Variants in DAPK2 observed in about 807,000 individuals in gnomAD.
The protein encoded by DAPK2 is death associated protein kinase 2, also known as death-associated protein kinase 2.
A neutral mutation model predicts 44.1 loss-of-function variants in DAPK2; 35 were observed. The ratio of observed to expected loss-of-function variants is 0.79; its 90% CI spans 0.61 to 1.05. The LOEUF is 1.05. Among genes scored for constraint, DAPK2 ranks in the 50% least tolerant of loss-of-function variants. The pLI, the probability that DAPK2 is intolerant of heterozygous loss-of-function variation, is 0.00. For missense variants in DAPK2, 453 were observed against 483.2 expected, an observed-to-expected ratio of 0.94 and a Z score of 0.59; for synonymous variants, 174 against 182.6, an observed-to-expected ratio of 0.95 and a Z score of 0.38.
At chr15:63,931,690 C>A (rs948958443) in intron 4 of DAPK2, among the ~76,000 whole-genome samples, 1 of 152,084 alleles carries the variant, frequency 6.6e-6, no homozygotes, top group Admixed American at 6.6e-5. Flanking sequence ...ACGTTTGGAG[C>A]CATCCATGTA....
At chr15:64,011,093 A>G (rs1279269713) in intron 1 of DAPK2, among the ~76,000 whole-genome samples, 1 of 152,214 alleles carries the variant, frequency 6.6e-6, no homozygotes, top group Non-Finnish European at 1.5e-5. Context: ...AGGCAGGACA[A>G]TGGAACAGAT....
In DAPK2 at chr15:64,036,321, A is replaced by ATATG. The variant is rs1281796166; in HGVS notation, c.92+3848_92+3849insCATA. Among the ~76,000 whole-genome samples, 5 of 108,564 alleles carry ATATG rather than the reference A, an allele frequency of 4.6e-5. No homozygotes were observed. The South Asian group carries it at 1.3e-3, about 29-fold the overall frequency. The allele number at this position is 108,564 out of a possible 152,430, so 71.2% of individuals were successfully genotyped here. ...TGTGTGTGTGTGTGTATATATATGT[A>ATATG]TATATATATATATATACATATATAT... On this transcript the variant is annotated intron_variant, in intron 1 of 10. Coordinates refer to ENST00000261891, the Ensembl canonical transcript of DAPK2.
At chr15:63,924,781 C>A (rs369002444) in intron 8 of DAPK2, 35 bp downstream of exon 9, 7 of 1,613,342 alleles carry the variant, frequency 4.3e-6, no homozygotes, top group Non-Finnish European at 5.9e-6. Context: ...GAGCAGGGAC[C>A]CTTTGCCCAT....
At chr15:63,950,844 G>A (rs2077567210) in intron 3 of DAPK2, among the ~76,000 whole-genome samples, 1 of 152,174 alleles carries the variant, frequency 6.6e-6, no homozygotes, top group Non-Finnish European at 1.5e-5. Flanking sequence ...AGGATCAAAT[G>A]AGAAAACAGA....
chr15:63,988,481 A>G (rs895103742), intron 1 of DAPK2, among the ~76,000 whole-genome samples: 1 of 151,578 alleles, frequency 6.6e-6, no homozygotes, highest in Non-Finnish European at 1.5e-5. Flanking sequence ...CAATGTGAAC[A>G]TTACAACATT....
At chr15:63,942,260 C>T in intron 3 of DAPK2, 10 of 985,354 alleles carry the variant, frequency 1.0e-5, no homozygotes, top group Non-Finnish European at 1.1e-5. Context: ...CTATAAGAAC[C>T]TCAGGGCAGG....
intron 3 of DAPK2, among the ~76,000 whole-genome samples, chr15:63,962,501 G>A (rs141886269): frequency 6.6e-6 from 1 of 152,170 alleles, no homozygotes; most frequent in African/African-American, 2.4e-5. Context: ...TTTGGTCTTT[G>A]ATGATGGTGA....
rs143604972 is a variant in DAPK2 at position 63,984,921 on chromosome 15, G to A, written c.93-1167C>T. Reference sequence around the variant, plus strand: ...CAGTGAGACAGTCTTCAAAATACCCGGAGTGGCAATAACAACAACAAAGTC... The same window carrying A: ...CAGTGAGACAGTCTTCAAAATACCCAGAGTGGCAATAACAACAACAAAGTC... On this transcript the variant is annotated intron_variant, in intron 1 of 10. Transcript: ENST00000261891. Among the ~76,000 whole-genome samples, 1,047 of 152,264 alleles carry A rather than the reference G, an allele frequency of 6.9e-3. 19 individuals are homozygous for A. The highest frequency in any genetic ancestry group is 5.6e-3 in the Non-Finnish European group (379 of 68,024).
intron 1 of DAPK2, among the ~76,000 whole-genome samples, chr15:64,021,212 G>A (rs1014901514): frequency 2.0e-5 from 3 of 152,198 alleles, no homozygotes; most frequent in Non-Finnish European, 4.4e-5. Context: ...GTCACTTTCG[G>A]GAGGAACAGG....
At chr15:63,973,697 G>A (rs1299911463) in intron 2 of DAPK2, among the ~76,000 whole-genome samples, 1 of 152,140 alleles carries the variant, frequency 6.6e-6, no homozygotes, top group African/African-American at 2.4e-5. Flanking sequence ...TGGAACTATT[G>A]GAATGGAAGG....
intron 8 of DAPK2, chr15:63,921,995 T>C (rs185364354): frequency 5.2e-5 from 8 of 152,396 alleles, no homozygotes; most frequent in African/African-American, 1.9e-4. Flanking sequence ...GACTTTAATA[T>C]TAAGGTAGAT....
rs2078799928 is a variant in DAPK2 at position 63,990,935 on chromosome 15, C to T, written c.93-7181G>A. On this transcript the variant is annotated intron_variant, in intron 1 of 10. Transcript: ENST00000261891. This position sits in a 1 kb window ranked among gnomAD's most constrained non-coding sequence, Gnocchi z 4.3. ...CTGCCTGGGGATGGTGTCACTGAGC[C>T]CCCTCCCTACTCCTCTGCCTGGCCA... Among the ~76,000 whole-genome samples, 1 of 152,116 alleles carries T rather than the reference C, an allele frequency of 6.6e-6. No individual in the cohort carries two copies. Among genetic ancestry groups the T allele is most frequent in the African/African-American group, 2.4e-5 (1 of 41,422 alleles).
chr15:64,019,488 C>T (rs559806421), intron 1 of DAPK2, among the ~76,000 whole-genome samples: 5 of 152,314 alleles, frequency 3.3e-5, no homozygotes, highest in Non-Finnish European at 7.3e-5. Flanking sequence ...CTGAAAGTTC[C>T]TTCAGACTCT....
intron 1 of DAPK2, among the ~76,000 whole-genome samples, chr15:64,015,149 T>C (rs895291220): frequency 6.6e-6 from 1 of 152,170 alleles, no homozygotes; most frequent in Admixed American, 6.5e-5. Context: ...GTCAGGAGTC[T>C]GTGCCAGCTG....
chr15:63,985,506 C>A (rs560709717), intron 1 of DAPK2, among the ~76,000 whole-genome samples: 1 of 152,318 alleles, frequency 6.6e-6, no homozygotes, highest in East Asian at 1.9e-4. Context: ...CTCTCCTCTC[C>A]GACACCTCAA....
chr15:64,009,383 C>T (rs1019037116), intron 1 of DAPK2, among the ~76,000 whole-genome samples: 25 of 152,158 alleles, frequency 1.6e-4, no homozygotes, highest in South Asian at 2.1e-4. Flanking sequence ...TGTCCTACAA[C>T]GCAGACATCA....
At chr15:63,982,187 C>CTTTTTTTTTTTTTTTTTTTTT in intron 2 of DAPK2, among the ~76,000 whole-genome samples, 1 of 107,874 alleles carries the variant, frequency 9.3e-6, no homozygotes, top group Non-Finnish European at 1.8e-5. Context: ...TCAGAATATT[C>CTTTTTTTTTTTTTTTTTTTTT]TTTTTTTTTT....
intron 3 of DAPK2, among the ~76,000 whole-genome samples, chr15:63,953,546 A>C (rs2077646053): frequency 6.6e-6 from 1 of 152,176 alleles, no homozygotes; most frequent in Non-Finnish European, 1.5e-5. Context: ...GTGGCTTCCA[A>C]TTCTTGGCAA....
At chr15:63,922,228 T>C (rs931104767) in intron 8 of DAPK2, 1 of 962,070 alleles carries the variant, frequency 1.0e-6, no homozygotes. Flanking sequence ...ACATGAGTGC[T>C]TGGTAAGTGA....
Sources: allele counts gnomAD v4.1 joint callset (sites outside exome capture counted in the v4.1 genomes callset), GRCh38; gene constraint gnomAD v4.1.1; non-coding constraint Gnocchi (gnomAD v3.1); transcripts MANE v1.5; gene names NCBI Gene and HGNC (gene_info 2026-07-23, HGNC 2026-07-21).